The following MYT1L variants were observed in gnomAD, a reference collection of about 807,000 sequenced individuals.
MYT1L encodes the protein myelin transcription factor 1-like protein.
In MYT1L, 12 loss-of-function variants were observed where a neutral mutation model predicts 126.7. The observed-to-expected ratio is 0.09, with a 90% confidence interval of 0.06 to 0.15. The LOEUF is 0.15. Ranked by LOEUF, MYT1L falls within the 10% of genes least tolerant of loss-of-function variation. The pLI is 1.00. For missense variants in MYT1L, 979 were observed against 1,585.2 expected (o/e 0.62, Z 6.49); for synonymous variants, 541 against 604.2 (o/e 0.90, Z 1.53).
intron 3 of MYT1L, among the ~76,000 whole-genome samples, chr2:2,137,035 T>C (rs531521680): frequency 1.1e-4 from 17 of 152,190 alleles, no homozygotes; most frequent in Admixed American, 1.0e-3. Context: ...AGCATTCTTA[T>C]ACACCAATAA....
chr2:1,842,486 G>A (rs539116495), intron 19 of MYT1L: 1 of 152,254 alleles, frequency 6.6e-6, no homozygotes, highest in Admixed American at 6.5e-5. Flanking sequence ...AAGAGGCGGC[G>A]AGGCGAGGGC....
intron 1 of MYT1L, among the ~76,000 whole-genome samples, chr2:2,286,539 C>G (rs1470910229): frequency 1.3e-5 from 2 of 152,280 alleles, no homozygotes; most frequent in East Asian, 1.9e-4. Context: ...CATTAGTAAA[C>G]TTTTATGAGA....
chr2:1,829,916 G>A (rs1026580845), intron 21 of MYT1L, among the ~76,000 whole-genome samples: 7 of 152,200 alleles, frequency 4.6e-5, no homozygotes, highest in Non-Finnish European at 7.3e-5. Flanking sequence ...GCTGCTTCCT[G>A]TTTCAACACA....
intron 2 of MYT1L, among the ~76,000 whole-genome samples, chr2:2,184,669 G>A (rs563711827): frequency 1.3e-5 from 2 of 152,096 alleles, no homozygotes; most frequent in South Asian, 4.2e-4. Context: ...AAGCCTCCCC[G>A]CACCGCACGC....
chr2:2,303,984 G>T (rs1019085909), intron 1 of MYT1L: 6 of 152,116 alleles, frequency 3.9e-5, no homozygotes, highest in African/African-American at 9.7e-5. Context: ...TTTCTGTTTT[G>T]TATTTCTCAT....
chr2:2,277,206 G>A lies in MYT1L; in HGVS notation c.-421+7198C>T, dbSNP rs375034629. Among the ~76,000 whole-genome samples the A allele has an allele frequency of 7.9e-5, 12 of 151,950 alleles. No individual in the cohort carries two copies. In the East Asian group the frequency reaches 1.2e-3, roughly 15 times the overall value. On this transcript the variant is annotated intron_variant, in intron 2 of 24. Transcript: ENST00000647738. ...TTTATGTTCTCTATCTCCTGACCTC[G>A]TGATCCATCTGCCTCGGCCTCCCAA...
intron 8 of MYT1L, among the ~76,000 whole-genome samples, chr2:1,956,665 A>G (rs182155547): frequency 1.1e-4 from 17 of 150,972 alleles, no homozygotes; most frequent in Admixed American, 3.3e-4. Flanking sequence ...TCTATCATCT[A>G]TCTATCATCA....
At chr2:2,064,068 G>A (rs913947067) in intron 3 of MYT1L, among the ~76,000 whole-genome samples, 1 of 152,162 alleles carries the variant, frequency 6.6e-6, no homozygotes, top group South Asian at 2.1e-4. Flanking sequence ...TAGACACACA[G>A]GTCAGTTTGT....
intron 19 of MYT1L, among the ~76,000 whole-genome samples, chr2:1,843,463 C>T (rs2148437856): frequency 6.6e-6 from 1 of 151,322 alleles, no homozygotes; most frequent in African/African-American, 2.4e-5. Flanking sequence ...GATGTCCTAC[C>T]CAGGGAGAAT....
At chr2:1,965,565 T>C (rs922167474) in intron 8 of MYT1L, among the ~76,000 whole-genome samples, 1 of 152,148 alleles carries the variant, frequency 6.6e-6, no homozygotes, top group Non-Finnish European at 1.5e-5. Flanking sequence ...AGGGATGGGG[T>C]AGGCTGGAGA....
At chr2:1,825,521 A>T (rs79605140) in intron 21 of MYT1L, 1 of 152,236 alleles carries the variant, frequency 6.6e-6, no homozygotes, top group Non-Finnish European at 1.5e-5. Context: ...AAATCAAAAG[A>T]TTGGAATTAC....
In MYT1L at chr2:1,943,563, C is replaced by T. The variant is rs748973548; in HGVS notation, c.153-229G>A. ...ATACCGCTCACATTTGTCTAGTTAC[C>T]ATTCACATTTAGTCCAAGTCTCCTA... is the stretch of plus-strand genomic sequence containing the variant. On this transcript the variant is annotated intron_variant, in intron 8 of 24. Transcript: ENST00000647738. The surrounding 1 kb of genome is among the most constrained non-coding windows in gnomAD (Gnocchi z 4.4). 3.3e-5 allele frequency among the ~76,000 whole-genome samples: 5 copies of T among 152,126 alleles called. No individual in the cohort carries two copies. The highest frequency in any genetic ancestry group is 7.3e-5 in the Non-Finnish European group (5 of 68,030).
intron 5 of MYT1L, among the ~76,000 whole-genome samples, chr2:1,985,481 C>T (rs2060942548): frequency 6.6e-6 from 1 of 152,140 alleles, no homozygotes; most frequent in South Asian, 2.1e-4. Context: ...ATAGAAAATA[C>T]CTCCACGTCT....
At chr2:1,947,190 G>A (rs1317292067) in intron 8 of MYT1L, among the ~76,000 whole-genome samples, 1 of 152,104 alleles carries the variant, frequency 6.6e-6, no homozygotes, top group African/African-American at 2.4e-5. Context: ...GTGCTATTCA[G>A]TGAGGTGACT....
chr2:2,227,115 G>A (rs889044832), intron 2 of MYT1L, among the ~76,000 whole-genome samples: 6 of 152,050 alleles, frequency 3.9e-5, no homozygotes, highest in Non-Finnish European at 5.9e-5. Context: ...TCCACCCTGG[G>A]GATGCGCTGT....
intron 4 of MYT1L, among the ~76,000 whole-genome samples, chr2:2,033,417 A>G (rs994349128): frequency 1.3e-5 from 2 of 151,118 alleles, no homozygotes; most frequent in East Asian, 4.0e-4. Context: ...TGTGGCCCAG[A>G]GCAGATTCGA....
At chr2:2,278,260 A>G (rs1384986708) in intron 2 of MYT1L, among the ~76,000 whole-genome samples, 1 of 152,202 alleles carries the variant, frequency 6.6e-6, no homozygotes, top group Non-Finnish European at 1.5e-5. Context: ...CCAGGCTACT[A>G]TTATCCTCAT....
At chr2:1,890,706 C>A (rs576206117) in intron 15 of MYT1L, among the ~76,000 whole-genome samples, 1 of 152,222 alleles carries the variant, frequency 6.6e-6, no homozygotes, top group African/African-American at 2.4e-5. Context: ...GAGTGACACT[C>A]TCCTTAGCAA....
chr2:2,076,443 T>C (rs147326344), intron 3 of MYT1L, among the ~76,000 whole-genome samples: 111 of 152,312 alleles, frequency 7.3e-4, no homozygotes, highest in East Asian at 4.4e-3. Context: ...TGGCTATTCA[T>C]TGGCCGACCA....
Sources: gnomAD v4.1 joint callset for allele counts (sites outside exome capture counted in the v4.1 genomes callset) on GRCh38, gnomAD v4.1.1 for gene constraint, Gnocchi (gnomAD v3.1) non-coding constraint, MANE v1.5 for transcripts, NCBI Gene and HGNC (gene_info 2026-07-23, HGNC 2026-07-21) for gene names.